Variants in PCDHA6 observed in about 807,000 individuals in gnomAD.
The protein encoded by PCDHA6 is protocadherin alpha-6.
Under a neutral mutation model 60.3 loss-of-function variants are expected in PCDHA6, and 55 were observed. The ratio of observed to expected loss-of-function variants is 0.91; its 90% CI spans 0.73 to 1.14. The LOEUF is 1.14. Ranked by LOEUF, PCDHA6 falls within the 50% of genes most tolerant of loss-of-function variation. PCDHA6 has a pLI of 0.00. For synonymous variants in PCDHA6, 652 were observed against 557.9 expected, an observed-to-expected ratio of 1.17 and a Z score of -2.38; for missense variants, 1,327 against 1,256.5, an observed-to-expected ratio of 1.06 and a Z score of -0.85.
At chr5:141,001,455 G>T (rs2098019131) in intron 3 of PCDHA6, among the ~76,000 whole-genome samples, 1 of 152,210 alleles carries the variant, frequency 6.6e-6, no homozygotes, top group Non-Finnish European at 1.5e-5. Flanking sequence ...ACTGTCAATT[G>T]AAGGACTAAG....
At chr5:140,966,264 G>C (rs959228779) in intron 1 of PCDHA6, 3 of 347,414 alleles carry the variant, frequency 8.6e-6, no homozygotes, top group Non-Finnish European at 1.5e-5. Flanking sequence ...GTGGAGACTG[G>C]ATGAACTGGA....
At position 140,829,465 on chromosome 5, in the gene PCDHA6, C is replaced by T; in HGVS notation, c.1374C>T (p.Pro458=). 6.2e-7 allele frequency: 1 copy of T among 1,613,822 alleles called. No homozygotes were observed. Among genetic ancestry groups the T allele is most frequent in the Non-Finnish European group, 8.5e-7 (1 of 1,180,030 alleles). The change falls in exon 1 of 4, where the codon CCC becomes CCT. Residue 458 remains proline (P), a synonymous_variant. Transcript: ENST00000529310. ...ACAATGCTCCGGCGTTCGCGCAGCC[C>T]GAGTACACAGTGTTCGTGAAGGAGA... The part of the protein sequence containing the change: ...MNDNAPAFAQ[P]EYTVFVKENN...
At chr5:140,868,370 A>C (rs1424656791) in intron 1 of PCDHA6, 2 of 152,204 alleles carry the variant, frequency 1.3e-5, no homozygotes, top group African/African-American at 4.8e-5. Flanking sequence ...TGTAAATAAC[A>C]GTAAAGAATG....
intron 1 of PCDHA6, chr5:140,928,095 G>A (rs782045221): frequency 6.2e-7 from 1 of 1,614,190 alleles, no homozygotes; most frequent in African/African-American, 1.3e-5. Flanking sequence ...TGATTGATGG[G>A]CCCCTGGACC....
At chr5:140,941,255 C>CTCTT (rs1554214207) in intron 1 of PCDHA6, among the ~76,000 whole-genome samples, 2 of 44,508 alleles carry the variant, frequency 4.5e-5, no homozygotes, top group African/African-American at 1.4e-4. Context: ...TTCTTTCTTT[C>CTCTT]TCTTTCTTTC....
intron 1 of PCDHA6, chr5:140,969,096 A>T: frequency 6.2e-7 from 1 of 1,614,162 alleles, no homozygotes; most frequent in Non-Finnish European, 8.5e-7. Flanking sequence ...GTGCAGCCTC[A>T]CTTCATTGAA....
At chr5:140,935,291 C>T (rs1221872941) in intron 1 of PCDHA6, among the ~76,000 whole-genome samples, 4 of 152,100 alleles carry the variant, frequency 2.6e-5, no homozygotes, top group East Asian at 1.9e-4. Context: ...TTCAGCACTC[C>T]GAGGTTTTTA....
chr5:140,842,395 T>C, intron 1 of PCDHA6: 1 of 1,611,538 alleles, frequency 6.2e-7, no homozygotes, highest in Non-Finnish European at 8.5e-7. Flanking sequence ...TATCCTTGCC[T>C]GTACGTGAAG....
chr5:140,967,985 A>C, intron 1 of PCDHA6: 1 of 1,614,218 alleles, frequency 6.2e-7, no homozygotes, highest in Non-Finnish European at 8.5e-7. Context: ...TCTGGAGGCC[A>C]CACTGCCTTT....
intron 1 of PCDHA6, among the ~76,000 whole-genome samples, chr5:140,889,648 A>G (rs1414947366): frequency 6.6e-6 from 1 of 152,094 alleles, no homozygotes; most frequent in African/African-American, 2.4e-5. Flanking sequence ...TGTTTGCAGG[A>G]GATGTCCTCT....
intron 1 of PCDHA6, chr5:140,929,480 G>T: frequency 8.4e-7 from 1 of 1,195,420 alleles, no homozygotes; most frequent in Non-Finnish European, 1.1e-6. Flanking sequence ...TGGAAGTATA[G>T]AAGTATTAGA....
intron 1 of PCDHA6, chr5:140,869,010 T>A (rs919333995): frequency 4.6e-6 from 7 of 1,523,886 alleles, no homozygotes; most frequent in Middle Eastern, 1.8e-4. Context: ...CCTTTGAAAC[T>A]TCTTAAGAAT....
chr5:140,856,479 C>T, intron 1 of PCDHA6: 1 of 1,598,354 alleles, frequency 6.3e-7, no homozygotes, highest in Non-Finnish European at 8.6e-7. Context: ...ATACCTGAAT[C>T]CAGACTGCTT....
intron 1 of PCDHA6, chr5:140,848,707 G>A (rs782550579): frequency 2.5e-6 from 4 of 1,592,422 alleles, no homozygotes; most frequent in East Asian, 2.2e-5. Context: ...TCCAAAGGCC[G>A]CGGGGACCTT....
rs544791644 is a variant in PCDHA6, at chr5:140,937,295, C to G, written c.2395-41654C>G. Among the ~76,000 whole-genome samples the G allele has an allele frequency of 1.0e-3, 157 of 152,202 alleles. 1 individual carries two copies. Among genetic ancestry groups the G allele is most frequent in the Admixed American group, 4.7e-3 (72 of 15,286 alleles). On this transcript the variant is annotated intron_variant, in intron 1 of 3. Transcript: ENST00000529310. ...CTCGTGATTCACCCGCTTCGGCCTC[C>G]CAAAGTGCTGGGATTACAGGCGTGA...
intron 1 of PCDHA6, chr5:140,969,405 C>T (rs781817372): frequency 6.3e-7 from 1 of 1,577,066 alleles, no homozygotes; most frequent in Non-Finnish European, 8.6e-7. Flanking sequence ...TGTGATTTGG[C>T]TTTATTGAGT....
intron 1 of PCDHA6, chr5:140,870,676 G>A (rs561705674): frequency 1.9e-6 from 3 of 1,612,702 alleles, no homozygotes; most frequent in African/African-American, 1.3e-5. Flanking sequence ...GTTGGACCAC[G>A]AGGAGCTGGA....
intron 1 of PCDHA6, among the ~76,000 whole-genome samples, chr5:140,839,820 G>A (rs899482827): frequency 6.6e-6 from 1 of 151,928 alleles, no homozygotes; most frequent in Non-Finnish European, 1.5e-5. Context: ...CTACTATGAA[G>A]GCATTCATGA....
At chr5:141,006,382 T>A (rs2098271166) in intron 3 of PCDHA6, among the ~76,000 whole-genome samples, 1 of 151,910 alleles carries the variant, frequency 6.6e-6, no homozygotes, top group African/African-American at 2.4e-5. Context: ...CGGCTAAGTT[T>A]TTTCTATTTT....
Sources: allele counts gnomAD v4.1 joint callset (sites outside exome capture counted in the v4.1 genomes callset), GRCh38; gene constraint gnomAD v4.1.1; transcripts MANE v1.5; gene names NCBI Gene and HGNC (gene_info 2026-07-23, HGNC 2026-07-21).